UBR2: variants seen among roughly 807,000 people sequenced by gnomAD.
The protein encoded by UBR2 is ubiquitin protein ligase E3 component n-recognin 2, also known as E3 ubiquitin-protein ligase UBR2.
In UBR2, 92 loss-of-function variants were observed where a neutral mutation model predicts 247.9. That is an observed-to-expected ratio of 0.37 (90% confidence interval 0.31 to 0.44). The LOEUF (loss-of-function observed/expected upper bound fraction) is 0.44, where lower values mean the gene tolerates loss of function less well. UBR2 is among the 20% of genes least tolerant of loss of function. The pLI is 1.00. For missense variants in UBR2, 1,613 were observed against 2,112.6 expected, an observed-to-expected ratio of 0.76 and a Z score of 4.64; for synonymous variants, 672 against 693.5, an observed-to-expected ratio of 0.97 and a Z score of 0.49.
chr6:42,662,549 G>T (rs1055148851), intron 31 of UBR2, among the ~76,000 whole-genome samples: 31 of 152,122 alleles, frequency 2.0e-4, no homozygotes, highest in African/African-American at 7.5e-4. Flanking sequence ...TGAAGAAAAG[G>T]GTTTTTACAG....
intron 42 of UBR2, among the ~76,000 whole-genome samples, chr6:42,680,273 A>G (rs1005646798): frequency 6.6e-6 from 1 of 152,190 alleles, no homozygotes; most frequent in Non-Finnish European, 1.5e-5. Context: ...GGTGTGAGCC[A>G]CCGCACCTGG....
intron 2 of UBR2, among the ~76,000 whole-genome samples, chr6:42,586,615 G>A (rs888493898): frequency 2.7e-5 from 3 of 111,666 alleles, no homozygotes; most frequent in African/African-American, 1.0e-4. Flanking sequence ...AATTAGAATT[G>A]TAGCATTTCG....
chr6:42,601,702 AAAAC>A (rs1166068332), intron 4 of UBR2, among the ~76,000 whole-genome samples: 3 of 151,138 alleles, frequency 2.0e-5, no homozygotes, highest in South Asian at 2.1e-4. Flanking sequence ...AAAAAAAAAA[AAAAC>A]CTCAATGGGA....
chr6:42,652,558 A>G lies in UBR2; in HGVS notation c.2682A>G (p.Ser894=). The stretch of plus-strand genomic sequence containing the variant: ...CAAGCCTGGTTAACATTTTGCAGTC[A>G]GATGTCATGTTGTGCATCATGGGAA... ...LFASLVNILQ[S]DVMLCIMGTI... The change falls in exon 25 of 47, where the codon TCA becomes TCG. Residue 894 remains serine (S), a synonymous_variant. Transcript: ENST00000372901. 4 of 1,613,706 alleles carry G rather than the reference A, an allele frequency of 2.5e-6. No individual in the cohort carries two copies.
At position 42,676,812 on chromosome 6, in the gene UBR2, C is replaced by T. The variant is rs748915463; in HGVS notation, c.4417C>T (p.Pro1473Ser). 1.2e-6 allele frequency: 2 copies of T among 1,613,938 alleles called. No individual in the cohort carries two copies. Among genetic ancestry groups the T allele is most frequent in the Non-Finnish European group, 1.7e-6 (2 of 1,179,954 alleles). ...GAATGGCATGGATCAAGAAAATCCC[C>T]CTTGTGAAGAAGAATCAGCAGTTCT... ...EENGMDQENP[P>S]CEEESAVLAL... Residue 1473 changes from proline (P) to serine (S), a missense_variant, in exon 40 of 47, where the codon CCT becomes TCT. Coordinates refer to ENST00000372901, the MANE Select transcript of UBR2 (RefSeq NM_001363705.2).
At chr6:42,605,977 T>G (rs934357494) in intron 6 of UBR2, 118 bp downstream of exon 6, 8 of 950,408 alleles carry the variant, frequency 8.4e-6, no homozygotes, top group African/African-American at 6.7e-5. Context: ...AAATTTCATT[T>G]GTCATGCCTG....
intron 46 of UBR2, 78 bp from the exon 47 acceptor site, chr6:42,690,954 C>A: frequency 1.3e-6 from 2 of 1,559,348 alleles, no homozygotes; most frequent in Non-Finnish European, 1.7e-6. Context: ...TGTAACCTTG[C>A]CTAAATCAGG....
intron 36 of UBR2, 104 bp from the exon 37 acceptor site, chr6:42,673,687 C>T: frequency 1.4e-6 from 1 of 722,824 alleles, no homozygotes; most frequent in Admixed American, 2.3e-5. Flanking sequence ...TCCATACCAT[C>T]TAGAGCAGTT....
Position 42,645,591 on chromosome 6 carries a change from G to T in UBR2, c.2409+1G>T. ...ATTGGTAAAGTCTTTACCTGAAGATGTAAGTACCTACATTTCTAAAAAGAA... is the reference window on the plus strand; with the variant it reads ...ATTGGTAAAGTCTTTACCTGAAGATTTAAGTACCTACATTTCTAAAAAGAA... On this transcript the variant is annotated splice_donor_variant, in intron 21 of 46. Transcript: ENST00000372901. LOFTEE classifies it high-confidence loss of function. 1 of 1,611,816 alleles carries T rather than the reference G, an allele frequency of 6.2e-7. No homozygotes were observed.
At chr6:42,620,009 A>T (rs1490425289) in intron 11 of UBR2, 3 of 948,544 alleles carry the variant, frequency 3.2e-6, no homozygotes, top group Non-Finnish European at 3.8e-6. Flanking sequence ...ATTTAGGAAA[A>T]CTACTGATTT....
chr6:42,653,148 A>T (rs918409919), intron 25 of UBR2, among the ~76,000 whole-genome samples: 2 of 152,110 alleles, frequency 1.3e-5, no homozygotes, highest in Non-Finnish European at 2.9e-5. Flanking sequence ...GCAGTGGTGC[A>T]ATCTTGGCTC....
In UBR2 at chr6:42,617,633, A is replaced by G. The variant is rs57353158; in HGVS notation, c.1281+126A>G. 5.0e-3 allele frequency: 4,058 copies of G among 814,374 alleles called. 103 individuals carry two copies. The African/African-American group carries it at 0.062, about 12-fold the overall frequency. 50.4% of individuals were successfully genotyped at this position (814,374 alleles called of 1,614,324 possible). A position where few individuals can be genotyped will look rare whatever the true frequency, so the allele number is the denominator to read the frequency against. On this transcript the variant is annotated intron_variant, in intron 11 of 46. Transcript: ENST00000372901. ...TTTATTAATGGGTAATCAGACTTCAAACACCTTCACTATTCTTTTACTAGA... is the reference window on the plus strand; with the variant it reads ...TTTATTAATGGGTAATCAGACTTCAGACACCTTCACTATTCTTTTACTAGA...
At chr6:42,614,403 C>CATACGTAT (rs1491267926) in intron 8 of UBR2, among the ~76,000 whole-genome samples, 6 of 62,548 alleles carry the variant, frequency 9.6e-5, no homozygotes, top group African/African-American at 3.4e-4. Flanking sequence ...TACATACATA[C>CATACGTAT]GTATGTATGT....
intron 1 of UBR2, among the ~76,000 whole-genome samples, chr6:42,569,034 G>C (rs1790952367): frequency 6.6e-6 from 1 of 152,132 alleles, no homozygotes; most frequent in Non-Finnish European, 1.5e-5. Context: ...ACATTCCTTT[G>C]TATAGATAAA....
intron 32 of UBR2, among the ~76,000 whole-genome samples, chr6:42,664,513 T>C (rs187440602): frequency 9.2e-5 from 14 of 152,352 alleles, no homozygotes; most frequent in Non-Finnish European, 2.9e-5. Flanking sequence ...TCTGTGTTAT[T>C]TGGATTCAGT....
intron 18 of UBR2, 87 bp from the exon 19 acceptor site, chr6:42,644,127 C>T: frequency 7.1e-7 from 1 of 1,402,728 alleles, no homozygotes; most frequent in Non-Finnish European, 9.6e-7. Context: ...CTTGGGCAAG[C>T]CAAACTATCT....
chr6:42,602,693 A>G (rs188476865), intron 4 of UBR2, among the ~76,000 whole-genome samples: 1 of 148,668 alleles, frequency 6.7e-6, no homozygotes, highest in African/African-American at 2.4e-5. Context: ...AAATGTAATT[A>G]TATATTATAA....
chr6:42,646,565 C>T (rs1389530854), intron 21 of UBR2, among the ~76,000 whole-genome samples: 4 of 151,990 alleles, frequency 2.6e-5, no homozygotes, highest in Non-Finnish European at 4.4e-5. Flanking sequence ...TTTTGCCCCC[C>T]AGGGGACATC....
chr6:42,670,055 C>T (rs1798341380), intron 34 of UBR2, 37 bp from the exon 35 acceptor site: 1 of 1,608,390 alleles, frequency 6.2e-7, no homozygotes, highest in Non-Finnish European at 8.5e-7. Context: ...GATATGTGCA[C>T]ATTGTTCTGA....
Sources: allele counts gnomAD v4.1 joint callset (sites outside exome capture counted in the v4.1 genomes callset), GRCh38; gene constraint gnomAD v4.1.1; transcripts MANE v1.5; gene names NCBI Gene and HGNC (gene_info 2026-07-23, HGNC 2026-07-21).